The following CNTNAP2 variants were observed in gnomAD, a reference collection of about 807,000 sequenced individuals.
CNTNAP2 encodes contactin-associated protein-like 2.
Under a neutral mutation model 155.2 loss-of-function variants are expected in CNTNAP2, and 98 were observed. That is an observed-to-expected ratio of 0.63 (90% CI 0.54 to 0.75). The LOEUF (loss-of-function observed/expected upper bound fraction) is 0.75. Ranked by LOEUF, CNTNAP2 falls within the 30% of genes least tolerant of loss-of-function variation. The pLI, the probability that CNTNAP2 is intolerant of heterozygous loss-of-function variation, is 0.00. For synonymous variants in CNTNAP2, 651 were observed against 631.2 expected, an observed-to-expected ratio of 1.03 and a Z score of -0.47; for missense variants, 1,727 against 1,688.1, an observed-to-expected ratio of 1.02 and a Z score of -0.40.
At chr7:147,722,180 C>T (rs1021659116) in intron 13 of CNTNAP2, among the ~76,000 whole-genome samples, 1 of 152,152 alleles carries the variant, frequency 6.6e-6, no homozygotes, top group East Asian at 1.9e-4. Flanking sequence ...CAGACCAATC[C>T]CTTCTCTTTG....
intron 1 of CNTNAP2, among the ~76,000 whole-genome samples, chr7:146,602,976 G>A (rs909223255): frequency 1.4e-5 from 2 of 145,812 alleles, no homozygotes; most frequent in African/African-American, 5.0e-5. Flanking sequence ...ATTTCCAGAT[G>A]CATTAGAAGT....
At chr7:146,766,082 G>T (rs1241356514) in intron 1 of CNTNAP2, among the ~76,000 whole-genome samples, 1 of 152,108 alleles carries the variant, frequency 6.6e-6, no homozygotes, top group Non-Finnish European at 1.5e-5. Context: ...TTCAGGGCAT[G>T]GCAAAATCTG....
At chr7:148,235,151 C>A (rs186018372) in intron 20 of CNTNAP2, among the ~76,000 whole-genome samples, 1 of 152,310 alleles carries the variant, frequency 6.6e-6, no homozygotes, top group East Asian at 1.9e-4. Flanking sequence ...TCACTGAATT[C>A]TGTTCTTTAA....
At chr7:146,983,859 G>T (rs1229860379) in intron 3 of CNTNAP2, among the ~76,000 whole-genome samples, 3 of 152,250 alleles carry the variant, frequency 2.0e-5, no homozygotes, top group South Asian at 2.1e-4. Flanking sequence ...CAGCTTCAAA[G>T]AATTTATAAA....
intron 1 of CNTNAP2, among the ~76,000 whole-genome samples, chr7:146,169,833 A>G (rs1301854203): frequency 1.3e-5 from 2 of 151,338 alleles, no homozygotes; most frequent in Non-Finnish European, 2.9e-5. Flanking sequence ...ATTTTATTAT[A>G]TATATCATTG....
At chr7:147,286,760 G>A (rs920838453) in intron 8 of CNTNAP2, among the ~76,000 whole-genome samples, 2 of 151,912 alleles carry the variant, frequency 1.3e-5, no homozygotes, top group African/African-American at 4.8e-5. Flanking sequence ...TAAACTACTC[G>A]AGGGTCATAT....
chr7:148,044,464 A>T (rs565568644), intron 15 of CNTNAP2: 1 of 151,530 alleles, frequency 6.6e-6, no homozygotes, highest in African/African-American at 2.4e-5. Context: ...GTAAATTGAA[A>T]CCTCATTCCT....
chr7:146,169,160 C>G (rs943750827), intron 1 of CNTNAP2, among the ~76,000 whole-genome samples: 2 of 152,166 alleles, frequency 1.3e-5, no homozygotes, highest in African/African-American at 4.8e-5. Flanking sequence ...TCCAACCAAG[C>G]ACTTTTCTCT....
At chr7:148,338,798 G>A (rs989816193) in intron 21 of CNTNAP2, among the ~76,000 whole-genome samples, 1 of 152,180 alleles carries the variant, frequency 6.6e-6, no homozygotes, top group Non-Finnish European at 1.5e-5. Context: ...TCAAAAAAGA[G>A]CAGAGGAGGG....
intron 15 of CNTNAP2, among the ~76,000 whole-genome samples, chr7:148,098,326 C>A (rs990400086): frequency 2.6e-5 from 4 of 151,702 alleles, no homozygotes; most frequent in African/African-American, 7.3e-5. Context: ...CGCCTGTAGT[C>A]CCAGCTACTC....
chr7:146,996,345 A>G (rs1245866516), intron 3 of CNTNAP2, among the ~76,000 whole-genome samples: 1 of 152,144 alleles, frequency 6.6e-6, no homozygotes, highest in Non-Finnish European at 1.5e-5. Context: ...CTTTCAATCT[A>G]CGAACATAAA....
At chr7:147,547,755 C>A (rs1013292057) in intron 11 of CNTNAP2, among the ~76,000 whole-genome samples, 5 of 151,972 alleles carry the variant, frequency 3.3e-5, no homozygotes, top group Admixed American at 3.3e-4. Flanking sequence ...AGTTCCCTCC[C>A]TGCACCCCAC....
intron 1 of CNTNAP2, among the ~76,000 whole-genome samples, chr7:146,617,737 T>C (rs1420459529): frequency 1.3e-5 from 2 of 152,120 alleles, no homozygotes; most frequent in Admixed American, 6.5e-5. Context: ...TTTGAAACAG[T>C]AATAGTGACT....
At chr7:146,751,520 C>A (rs1020529890) in intron 1 of CNTNAP2, among the ~76,000 whole-genome samples, 1 of 152,092 alleles carries the variant, frequency 6.6e-6, no homozygotes, top group Non-Finnish European at 1.5e-5. Flanking sequence ...CTAAGTTTTT[C>A]CCAAGTATAA....
chr7:146,890,093 A>AT (rs1795745687), intron 3 of CNTNAP2, among the ~76,000 whole-genome samples: 1 of 152,060 alleles, frequency 6.6e-6, no homozygotes, highest in Non-Finnish European at 1.5e-5. Context: ...TATCTTCCAA[A>AT]TTTCCAACTT....
At chr7:147,876,873 G>A (rs997808875) in intron 13 of CNTNAP2, among the ~76,000 whole-genome samples, 1 of 152,094 alleles carries the variant, frequency 6.6e-6, no homozygotes, top group African/African-American at 2.4e-5. Flanking sequence ...TGTGCACTGT[G>A]GGGAACTACG....
chr7:147,378,226 C>G (rs2116926868), intron 9 of CNTNAP2: 1 of 277,256 alleles, frequency 3.6e-6, no homozygotes, highest in South Asian at 3.2e-5. Context: ...TTTACAAACT[C>G]ACTCTGTAGC....
intron 1 of CNTNAP2, among the ~76,000 whole-genome samples, chr7:146,248,289 C>G (rs1183131478): frequency 2.0e-5 from 3 of 151,952 alleles, no homozygotes; most frequent in Non-Finnish European, 2.9e-5. Context: ...TTCTTGCCCC[C>G]CAGAAAGGCG....
At chr7:147,154,993 C>A (rs34769190) in intron 8 of CNTNAP2, among the ~76,000 whole-genome samples, 14,757 of 152,132 alleles carry the variant, frequency 0.097, 777 homozygotes, top group Non-Finnish European at 0.13. Flanking sequence ...AAAAAGACAT[C>A]GGCAGACTGA....
Sources: allele counts gnomAD v4.1 joint callset (sites outside exome capture counted in the v4.1 genomes callset), GRCh38; gene constraint gnomAD v4.1.1; transcripts MANE v1.5; gene names NCBI Gene and HGNC (gene_info 2026-07-23, HGNC 2026-07-21).